The following CNTN5 variants were observed in gnomAD, a reference collection of about 807,000 sequenced individuals.
CNTN5 encodes the protein contactin-5.
Under a neutral mutation model 129.1 loss-of-function variants are expected in CNTN5, and 77 were observed. That is an observed-to-expected ratio of 0.60 (90% CI 0.50 to 0.72). The LOEUF (loss-of-function observed/expected upper bound fraction) is 0.72, where lower values mean the gene tolerates loss of function less well. Among genes scored for constraint, CNTN5 ranks in the 30% least tolerant of loss-of-function variants. CNTN5 has a pLI of 0.00. For missense variants in CNTN5, 1,478 were observed against 1,328.8 expected (o/e 1.11, Z -1.75); for synonymous variants, 509 against 465.6 (o/e 1.09, Z -1.20).
At chr11:100,107,478 C>T (rs1361617986) in intron 13 of CNTN5, among the ~76,000 whole-genome samples, 5 of 146,288 alleles carry the variant, frequency 3.4e-5, no homozygotes, top group East Asian at 4.1e-4. Flanking sequence ...GATGCTGCAA[C>T]TATAGTATTC....
At chr11:99,808,121 T>C (rs1196305392) in intron 3 of CNTN5, among the ~76,000 whole-genome samples, 1 of 152,192 alleles carries the variant, frequency 6.6e-6, no homozygotes, top group East Asian at 1.9e-4. Context: ...TGAGAAGTAG[T>C]AGAATTTGTG....
chr11:99,726,520 A>C (rs1943345255), intron 3 of CNTN5, among the ~76,000 whole-genome samples: 1 of 152,198 alleles, frequency 6.6e-6, no homozygotes, highest in South Asian at 2.1e-4. Flanking sequence ...ATTTACTGTA[A>C]GCTAAACTCT....
At chr11:99,776,724 TC>T (rs887298888) in intron 3 of CNTN5, among the ~76,000 whole-genome samples, 6 of 151,616 alleles carry the variant, frequency 4.0e-5, no homozygotes, top group Non-Finnish European at 8.8e-5. Flanking sequence ...GCTAATCAAC[TC>T]ATGTGGAACA....
chr11:99,086,139 T>C (rs1435749946), intron 1 of CNTN5, among the ~76,000 whole-genome samples: 1 of 152,208 alleles, frequency 6.6e-6, no homozygotes, highest in African/African-American at 2.4e-5. Context: ...TATTCATTCA[T>C]TCGTCTACTT....
intron 3 of CNTN5, among the ~76,000 whole-genome samples, chr11:99,722,177 C>T (rs566498558): frequency 6.6e-6 from 1 of 152,246 alleles, no homozygotes; most frequent in African/African-American, 2.4e-5. Context: ...AAGATATATG[C>T]ATGTGAATGT....
At chr11:99,247,322 G>A (rs960389394) in intron 1 of CNTN5, among the ~76,000 whole-genome samples, 1 of 152,024 alleles carries the variant, frequency 6.6e-6, no homozygotes, top group Non-Finnish European at 1.5e-5. Context: ...TTTGGAAGAA[G>A]TAAAGAGCAT....
chr11:99,743,112 A>C (rs1267274504), intron 3 of CNTN5, among the ~76,000 whole-genome samples: 1 of 152,194 alleles, frequency 6.6e-6, no homozygotes, highest in Non-Finnish European at 1.5e-5. Context: ...ATTTAACAGT[A>C]TGATAAGGAA....
At chr11:99,445,631 A>G (rs748124793) in intron 2 of CNTN5, among the ~76,000 whole-genome samples, 1 of 152,142 alleles carries the variant, frequency 6.6e-6, no homozygotes, top group Non-Finnish European at 1.5e-5. Context: ...TCTATCCTCA[A>G]AGAGTCAGGA....
chr11:100,244,077 C>A (rs769593601), intron 16 of CNTN5, among the ~76,000 whole-genome samples: 21 of 152,190 alleles, frequency 1.4e-4, no homozygotes, highest in Middle Eastern at 6.8e-3. Context: ...AAAAAATGTA[C>A]TGGTTTCCAC....
chr11:99,441,978 AC>A (rs760785941), intron 2 of CNTN5, among the ~76,000 whole-genome samples: 12 of 152,020 alleles, frequency 7.9e-5, no homozygotes, highest in Non-Finnish European at 1.6e-4. Context: ...CCAGGAAAAT[AC>A]CCTGTGTTAT....
intron 3 of CNTN5, among the ~76,000 whole-genome samples, chr11:99,634,643 T>C (rs1951483883): frequency 6.6e-6 from 1 of 152,206 alleles, no homozygotes; most frequent in Non-Finnish European, 1.5e-5. Flanking sequence ...ATCTATACAC[T>C]ACTCCTCAGA....
At chr11:99,054,548 A>T (rs1023067747) in intron 1 of CNTN5, among the ~76,000 whole-genome samples, 4 of 151,890 alleles carry the variant, frequency 2.6e-5, no homozygotes, top group Non-Finnish European at 2.9e-5. Context: ...TTCCACAAAG[A>T]TGAAGGCTTT....
At chr11:99,273,391 C>G (rs1863267683) in intron 1 of CNTN5, among the ~76,000 whole-genome samples, 1 of 151,836 alleles carries the variant, frequency 6.6e-6, no homozygotes, top group African/African-American at 2.4e-5. Flanking sequence ...ACTAGGTCCG[C>G]TTCTCTAGTG....
At chr11:99,330,865 A>T (rs1455871973) in intron 2 of CNTN5, among the ~76,000 whole-genome samples, 1 of 152,074 alleles carries the variant, frequency 6.6e-6, no homozygotes, top group Admixed American at 6.6e-5. Flanking sequence ...TTTTTAATTA[A>T]AATACCTAAA....
intron 1 of CNTN5, among the ~76,000 whole-genome samples, chr11:99,110,050 T>C (rs1224988389): frequency 6.6e-6 from 1 of 152,114 alleles, no homozygotes; most frequent in East Asian, 1.9e-4. Flanking sequence ...TAAAGAAATA[T>C]TCGAATAGAT....
intron 1 of CNTN5, among the ~76,000 whole-genome samples, chr11:99,322,640 A>T (rs374134404): frequency 2.6e-5 from 4 of 152,260 alleles, no homozygotes; most frequent in African/African-American, 9.6e-5. Context: ...ATAACACATT[A>T]AGAATAGAAA....
chr11:100,050,932 A>G (rs1475071945), intron 9 of CNTN5, among the ~76,000 whole-genome samples: 2 of 152,138 alleles, frequency 1.3e-5, no homozygotes. Flanking sequence ...GAGCTTTACA[A>G]TGTATGAAGC....
At chr11:99,924,686 C>T (rs1169873655) in intron 7 of CNTN5, among the ~76,000 whole-genome samples, 1 of 151,838 alleles carries the variant, frequency 6.6e-6, no homozygotes, top group Non-Finnish European at 1.5e-5. Context: ...TTTATTTGCC[C>T]TCTTTTTACT....
intron 1 of CNTN5, among the ~76,000 whole-genome samples, chr11:99,261,117 T>A (rs905613094): frequency 6.6e-6 from 1 of 151,942 alleles, no homozygotes; most frequent in African/African-American, 2.4e-5. Context: ...CTAAAATACA[T>A]GCATATTATA....
Sources: gnomAD v4.1 joint callset for allele counts (sites outside exome capture counted in the v4.1 genomes callset) on GRCh38, gnomAD v4.1.1 for gene constraint, MANE v1.5 for transcripts, NCBI Gene and HGNC (gene_info 2026-07-23, HGNC 2026-07-21) for gene names.